The following NKAIN3 variants were observed in gnomAD, a reference collection of about 807,000 sequenced individuals.
NKAIN3 encodes the protein sodium/potassium transporting ATPase interacting 3, also known as sodium/potassium-transporting ATPase subunit beta-1-interacting protein 3.
In NKAIN3, 25 loss-of-function variants were observed where a neutral mutation model predicts 30.2. The observed-to-expected ratio is 0.83, with a 90% CI of 0.60 to 1.16. NKAIN3 has a LOEUF of 1.16. Ranked by LOEUF, NKAIN3 falls within the 50% of genes most tolerant of loss-of-function variation. The pLI is 0.00. For synonymous variants in NKAIN3, 91 were observed against 89.6 expected (o/e 1.02, Z -0.09); for missense variants, 225 against 254.1 (o/e 0.89, Z 0.78).
At chr8:62,871,761 A>G (rs1820654102) in intron 4 of NKAIN3, among the ~76,000 whole-genome samples, 1 of 152,226 alleles carries the variant, frequency 6.6e-6, no homozygotes, top group Non-Finnish European at 1.5e-5. Context: ...AACTTTTCAT[A>G]TCTCCAGTAA....
At chr8:62,370,565 C>T (rs557387995) in intron 1 of NKAIN3, among the ~76,000 whole-genome samples, 5 of 151,764 alleles carry the variant, frequency 3.3e-5, no homozygotes, top group African/African-American at 4.8e-5. Flanking sequence ...ACTGAAGTAC[C>T]TTGACCATAT....
intron 6 of NKAIN3, among the ~76,000 whole-genome samples, chr8:62,961,742 G>T (rs1007989832): frequency 1.3e-5 from 2 of 152,022 alleles, no homozygotes; most frequent in Non-Finnish European, 2.9e-5. Flanking sequence ...TCAGAAATCA[G>T]TACTAACAGA....
intron 1 of NKAIN3, among the ~76,000 whole-genome samples, chr8:62,420,561 C>T (rs1283265613): frequency 6.6e-6 from 1 of 152,016 alleles, no homozygotes; most frequent in East Asian, 1.9e-4. Flanking sequence ...ACAGAAGTAA[C>T]AGAAAATATG....
At chr8:62,752,360 G>C (rs897596315) in intron 4 of NKAIN3, among the ~76,000 whole-genome samples, 2 of 152,264 alleles carry the variant, frequency 1.3e-5, no homozygotes, top group Middle Eastern at 3.4e-3. Context: ...CTCCATTCTG[G>C]TGGCACTCCA....
At chr8:62,644,567 G>A (rs901254784) in intron 3 of NKAIN3, among the ~76,000 whole-genome samples, 5 of 151,930 alleles carry the variant, frequency 3.3e-5, no homozygotes, top group African/African-American at 1.2e-4. Context: ...ACTACTTTTA[G>A]GAACTTTTTA....
intron 1 of NKAIN3, among the ~76,000 whole-genome samples, chr8:62,499,591 G>A (rs1350761305): frequency 1.3e-5 from 2 of 152,152 alleles, no homozygotes; most frequent in African/African-American, 4.8e-5. Context: ...GGGAAATAAA[G>A]AGGCAAAGGA....
At chr8:62,577,622 T>A (rs796681361) in intron 1 of NKAIN3, among the ~76,000 whole-genome samples, 8 of 150,218 alleles carry the variant, frequency 5.3e-5, no homozygotes, top group African/African-American at 2.0e-4. Flanking sequence ...ATAAATAAAA[T>A]GCTGCATAGA....
intron 3 of NKAIN3, among the ~76,000 whole-genome samples, chr8:62,667,381 A>G (rs1211293418): frequency 6.9e-6 from 1 of 145,918 alleles, no homozygotes; most frequent in South Asian, 2.1e-4. Context: ...ATATAAATAT[A>G]TATATATATA....
chr8:62,280,581 T>A (rs7813487), intron 1 of NKAIN3, among the ~76,000 whole-genome samples: 5,063 of 152,298 alleles, frequency 0.033, 309 homozygotes, highest in African/African-American at 0.12. Context: ...GTTTTTAGCA[T>A]GAAGGGCTAT....
intron 4 of NKAIN3, among the ~76,000 whole-genome samples, chr8:62,875,222 A>G (rs1026509448): frequency 5.3e-5 from 8 of 152,216 alleles, no homozygotes; most frequent in African/African-American, 1.7e-4. Flanking sequence ...ACTCCCATTC[A>G]CAATGGCTAC....
chr8:62,268,251 A>C (rs1812666588), intron 1 of NKAIN3, among the ~76,000 whole-genome samples: 1 of 152,202 alleles, frequency 6.6e-6, no homozygotes, highest in Non-Finnish European at 1.5e-5. Flanking sequence ...AAGAGGACAG[A>C]TGCAGAACAG....
At chr8:62,253,535 C>T (rs756599539) in intron 1 of NKAIN3, among the ~76,000 whole-genome samples, 1 of 152,166 alleles carries the variant, frequency 6.6e-6, no homozygotes, top group Non-Finnish European at 1.5e-5. Flanking sequence ...CCACCACTCA[C>T]TCCAACATGG....
At chr8:62,603,989 AC>A (rs1811052248) in intron 3 of NKAIN3, among the ~76,000 whole-genome samples, 1 of 151,986 alleles carries the variant, frequency 6.6e-6, no homozygotes, top group Non-Finnish European at 1.5e-5. Context: ...GTAACAAGAT[AC>A]CCTTTGGTAT....
intron 1 of NKAIN3, chr8:62,482,298 CTG>C (rs1312149640): frequency 6.6e-6 from 1 of 152,206 alleles, no homozygotes; most frequent in Non-Finnish European, 1.5e-5. Context: ...GAGCTTGAGT[CTG>C]CAAAAGCGGT....
At chr8:62,926,488 A>G (rs1822447806) in intron 5 of NKAIN3, among the ~76,000 whole-genome samples, 1 of 152,028 alleles carries the variant, frequency 6.6e-6, no homozygotes, top group South Asian at 2.1e-4. Context: ...TGAGCCGCCC[A>G]ACCCGCTCCA....
At chr8:62,512,137 G>C (rs1385962751) in intron 1 of NKAIN3, among the ~76,000 whole-genome samples, 3 of 152,020 alleles carry the variant, frequency 2.0e-5, no homozygotes, top group East Asian at 3.9e-4. Context: ...GACAAGCCTG[G>C]TTTAATGCTA....
chr8:62,901,725 A>G (rs1821619981), intron 4 of NKAIN3, among the ~76,000 whole-genome samples: 1 of 152,232 alleles, frequency 6.6e-6, no homozygotes, highest in Admixed American at 6.5e-5. Flanking sequence ...CCCTACTACG[A>G]AACATCCCCT....
At chr8:62,415,482 T>C (rs1416405226) in intron 1 of NKAIN3, among the ~76,000 whole-genome samples, 1 of 149,850 alleles carries the variant, frequency 6.7e-6, no homozygotes, top group African/African-American at 2.4e-5. Context: ...GCTTGCCATA[T>C]TTTTATTTTC....
chr8:62,298,271 A>G (rs1813910998), intron 1 of NKAIN3, among the ~76,000 whole-genome samples: 1 of 152,166 alleles, frequency 6.6e-6, no homozygotes. Context: ...ATGTATACAT[A>G]TGTAACAAAT....
Sources: gnomAD v4.1 joint callset for allele counts (sites outside exome capture counted in the v4.1 genomes callset) on GRCh38, gnomAD v4.1.1 for gene constraint, MANE v1.5 for transcripts, NCBI Gene and HGNC (gene_info 2026-07-23, HGNC 2026-07-21) for gene names.